PTPN14: variants seen among roughly 807,000 people sequenced by gnomAD.
PTPN14 encodes tyrosine-protein phosphatase non-receptor type 14.
In PTPN14, 53 loss-of-function variants were observed where a neutral mutation model predicts 126.8. The ratio of observed to expected loss-of-function variants is 0.42; its 90% CI spans 0.34 to 0.53. PTPN14 has a LOEUF of 0.53. Among genes scored for constraint, PTPN14 ranks in the 20% least tolerant of loss-of-function variants. PTPN14 has a pLI of 0.08. For synonymous variants in PTPN14, 630 were observed against 599.3 expected (o/e 1.05, Z -0.75); for missense variants, 1,257 against 1,552.9 (o/e 0.81, Z 3.20).
chr1:214,409,324 C>T (rs1379012453), intron 5 of PTPN14, among the ~76,000 whole-genome samples: 1 of 152,288 alleles, frequency 6.6e-6, no homozygotes, highest in East Asian at 1.9e-4. Context: ...TGAGATTGGG[C>T]AGTATTTGTC....
intron 1 of PTPN14, among the ~76,000 whole-genome samples, chr1:214,467,636 A>G (rs1429867810): frequency 6.6e-6 from 1 of 152,254 alleles, no homozygotes; most frequent in African/African-American, 2.4e-5. Context: ...TTGATATTAA[A>G]TAGAATTCTA....
chr1:214,450,272 G>C (rs1435720545), intron 3 of PTPN14, among the ~76,000 whole-genome samples: 1 of 151,862 alleles, frequency 6.6e-6, no homozygotes, highest in Non-Finnish European at 1.5e-5. Flanking sequence ...AGGAGTTCGA[G>C]ACCAGCCTGG....
rs1022583261 is a variant in PTPN14 at position 214,479,069 on chromosome 1, G to A, written c.-154-14112C>T. ...TTTTAAAATCAGAATTTTTTGGTCT[G>A]GCACAGTGGCTCATGCCTGTAATCT... On this transcript the variant is annotated intron_variant, in intron 1 of 18. Transcript: ENST00000366956. Among the ~76,000 whole-genome samples the A allele has an allele frequency of 2.0e-5, 3 of 151,606 alleles. No homozygotes were observed. In the South Asian group the frequency reaches 6.2e-4, roughly 31 times the overall value.
At chr1:214,395,348 A>G (rs755022971) in intron 8 of PTPN14, among the ~76,000 whole-genome samples, 3 of 152,146 alleles carry the variant, frequency 2.0e-5, no homozygotes, top group African/African-American at 4.8e-5. Flanking sequence ...AGCACATATT[A>G]TTAAAAATCA....
chr1:214,456,499 T>C (rs1381210011), intron 2 of PTPN14, among the ~76,000 whole-genome samples: 2 of 152,308 alleles, frequency 1.3e-5, no homozygotes, highest in East Asian at 3.9e-4. Flanking sequence ...GTAATCAACC[T>C]CTACTCTGGG....
At chr1:214,420,961 T>C (rs535629076) in intron 3 of PTPN14, among the ~76,000 whole-genome samples, 1 of 152,368 alleles carries the variant, frequency 6.6e-6, no homozygotes, top group Non-Finnish European at 1.5e-5. Flanking sequence ...TTTTGATCTG[T>C]CTTAAAAATC....
At chr1:214,543,014 T>A (rs896280219) in intron 1 of PTPN14, among the ~76,000 whole-genome samples, 50 of 152,218 alleles carry the variant, frequency 3.3e-4, no homozygotes, top group African/African-American at 1.1e-3. Flanking sequence ...TATAGTTCCA[T>A]AAGTAGAACA....
intron 10 of PTPN14, among the ~76,000 whole-genome samples, chr1:214,392,493 T>C (rs915039807): frequency 2.0e-5 from 3 of 152,120 alleles, no homozygotes; most frequent in African/African-American, 7.2e-5. Flanking sequence ...AGTTTTTAAA[T>C]TCATCCTACA....
At chr1:214,394,827 A>C in intron 9 of PTPN14, 72 bp downstream of exon 9, 3 of 1,294,172 alleles carry the variant, frequency 2.3e-6, no homozygotes. Flanking sequence ...GAGCAAGGAA[A>C]GGACATTAGG....
intron 1 of PTPN14, among the ~76,000 whole-genome samples, chr1:214,542,228 T>C (rs1309306306): frequency 6.6e-6 from 1 of 152,240 alleles, no homozygotes; most frequent in East Asian, 1.9e-4. Context: ...TGTGTATGTG[T>C]GTGCCTGTGT....
chr1:214,460,684 T>C (rs1660491748), intron 2 of PTPN14, among the ~76,000 whole-genome samples: 1 of 152,094 alleles, frequency 6.6e-6, no homozygotes, highest in South Asian at 2.1e-4. Flanking sequence ...TTCCATGTTC[T>C]TTCCTGTTTC....
intron 5 of PTPN14, among the ~76,000 whole-genome samples, chr1:214,411,002 T>C (rs915049921): frequency 3.0e-4 from 46 of 152,324 alleles, no homozygotes; most frequent in African/African-American, 1.1e-3. Context: ...TGTTGGAATT[T>C]TGATAGGGAT....
chr1:214,443,078 C>T (rs1267367702), intron 3 of PTPN14, among the ~76,000 whole-genome samples: 1 of 152,232 alleles, frequency 6.6e-6, no homozygotes, highest in Non-Finnish European at 1.5e-5. Context: ...CCGCCTCAGC[C>T]TCCCAAAGTG....
intron 1 of PTPN14, among the ~76,000 whole-genome samples, chr1:214,510,848 T>G (rs574310168): frequency 1.3e-5 from 2 of 152,158 alleles, no homozygotes; most frequent in African/African-American, 4.8e-5. Context: ...GAGGCCAGAG[T>G]CCCCAGGTAT....
chr1:214,494,357 C>T (rs12561901), intron 1 of PTPN14, among the ~76,000 whole-genome samples: 23,759 of 152,004 alleles, frequency 0.16, 2,165 homozygotes, highest in East Asian at 0.38. Context: ...CCACAGCACC[C>T]GGCCCCTCCT....
chr1:214,379,895 C>A lies in PTPN14; in HGVS notation c.2545-1793G>T, dbSNP rs537496197. ...CCACCTTGGGCACATGTCATCAGGA[C>A]CTCCTGAGGCTGTGTGACAGGTGTG... On this transcript the variant is annotated intron_variant, in intron 13 of 18. Coordinates refer to ENST00000366956, the MANE Select transcript of PTPN14 (RefSeq NM_005401.5). Among the ~76,000 whole-genome samples, 6 of 152,330 alleles carry A rather than the reference C, an allele frequency of 3.9e-5. No homozygotes were observed. In the East Asian group the frequency reaches 9.6e-4, roughly 24 times the overall value.
intron 5 of PTPN14, among the ~76,000 whole-genome samples, chr1:214,410,994 T>C (rs1215242820): frequency 6.6e-6 from 1 of 152,196 alleles, no homozygotes; most frequent in Non-Finnish European, 1.5e-5. Context: ...AAGAATGATG[T>C]TGGAATTTTG....
intron 5 of PTPN14, among the ~76,000 whole-genome samples, chr1:214,405,697 A>C (rs1028432609): frequency 6.6e-4 from 101 of 152,272 alleles, no homozygotes; most frequent in African/African-American, 2.4e-3. Flanking sequence ...ACAGAATAAT[A>C]GTGCTAATAA....
intron 5 of PTPN14, among the ~76,000 whole-genome samples, chr1:214,408,719 A>G (rs1659227848): frequency 1.3e-5 from 2 of 152,232 alleles, no homozygotes; most frequent in Non-Finnish European, 2.9e-5. Context: ...GTGAGGGTGT[A>G]TGAGACAGGT....
Sources: gnomAD v4.1 joint callset for allele counts (sites outside exome capture counted in the v4.1 genomes callset) on GRCh38, gnomAD v4.1.1 for gene constraint, MANE v1.5 for transcripts, NCBI Gene and HGNC (gene_info 2026-07-23, HGNC 2026-07-21) for gene names.